FAAH2: variants seen among roughly 807,000 people sequenced by gnomAD.
FAAH2 encodes the protein fatty-acid amide hydrolase 2.
In FAAH2, 60 loss-of-function variants were observed where a neutral mutation model predicts 36.9. The observed-to-expected ratio is 1.63, with a 90% confidence interval of 1.32 to 2.02. The LOEUF (loss-of-function observed/expected upper bound fraction) is 2.02. FAAH2 is among the 30% of genes most tolerant of loss of function. The pLI, the probability that FAAH2 is intolerant of heterozygous loss-of-function variation, is 0.00. For missense variants in FAAH2, 689 were observed against 397.5 expected (o/e 1.73, Z -6.23); for synonymous variants, 214 against 143.8 (o/e 1.49, Z -3.49).
chrX:57,382,958 C>T (rs1379179248), intron 7 of FAAH2, among the ~76,000 whole-genome samples: 6 of 111,360 alleles, frequency 5.4e-5, no homozygotes, highest in Non-Finnish European at 1.1e-4. Flanking sequence ...TCAAGCAACA[C>T]ATCAAAAAGC....
intron 7 of FAAH2, among the ~76,000 whole-genome samples, chrX:57,419,400 G>T (rs2055943333): frequency 9.0e-6 from 1 of 111,520 alleles, no homozygotes; most frequent in African/African-American, 3.3e-5. Context: ...GCTTTTTAAT[G>T]ATTGCCATTC....
At chrX:57,256,606 A>G in the FAAH2 span, among the ~76,000 whole-genome samples, 1 of 111,924 alleles carries the variant, frequency 8.9e-6, no homozygotes, top group Non-Finnish European at 1.9e-5. Flanking sequence ...AAGAAAACCT[A>G]GGCAATACCA....
the FAAH2 span, among the ~76,000 whole-genome samples, chrX:57,216,475 A>T: frequency 3.9e-5 from 3 of 76,460 alleles, no homozygotes; most frequent in African/African-American, 1.3e-4. Context: ...ATGGCTTAGT[A>T]GTATTCTATT....
intron 7 of FAAH2, among the ~76,000 whole-genome samples, chrX:57,428,378 A>C (rs1454423938): frequency 6.1e-5 from 4 of 65,453 alleles, no homozygotes; most frequent in African/African-American, 1.4e-4. Flanking sequence ...TTTTGCACAG[A>C]ATTAGAAAAA....
chrX:57,436,034 T>G (rs1220904532), intron 8 of FAAH2, among the ~76,000 whole-genome samples: 1 of 111,137 alleles, frequency 9.0e-6, no homozygotes, highest in Non-Finnish European at 1.9e-5. Flanking sequence ...AGACCACGCT[T>G]GAATAAAACT....
intron 10 of FAAH2, among the ~76,000 whole-genome samples, chrX:57,450,408 G>T (rs759556831): frequency 9.0e-6 from 1 of 111,201 alleles, no homozygotes; most frequent in Non-Finnish European, 1.9e-5. Flanking sequence ...AGTGATTTAA[G>T]GGTCAGGGTC....
intron 8 of FAAH2, among the ~76,000 whole-genome samples, chrX:57,436,496 A>G (rs1232493149): frequency 9.1e-6 from 1 of 109,707 alleles, no homozygotes; most frequent in East Asian, 2.8e-4. Context: ...TAATCATGAA[A>G]AAAAGAGAGA....
chrX:57,439,526 C>G (rs779318486), intron 8 of FAAH2, among the ~76,000 whole-genome samples: 38 of 111,142 alleles, frequency 3.4e-4, no homozygotes, highest in Admixed American at 9.6e-4. Flanking sequence ...GAGTAGGTTG[C>G]AAATTTTTCT....
chrX:57,147,983 C>A, the FAAH2 span, among the ~76,000 whole-genome samples: 1 of 111,406 alleles, frequency 9.0e-6, no homozygotes. Context: ...TATCATATAG[C>A]CTATTACATA....
the FAAH2 span, among the ~76,000 whole-genome samples, chrX:57,252,116 G>T: frequency 8.9e-6 from 1 of 112,739 alleles, no homozygotes. Context: ...CTTGCTCGCT[G>T]CTAGTGAATC....
chrX:57,273,609 A>C, the FAAH2 span, among the ~76,000 whole-genome samples: 1 of 112,015 alleles, frequency 8.9e-6, no homozygotes, highest in Non-Finnish European at 1.9e-5. Flanking sequence ...AAAGAAACTC[A>C]CTGAAAACCT....
At chrX:57,380,836 G>A (rs1338189435) in intron 6 of FAAH2, 76 bp from the exon 7 acceptor site, 6 of 599,653 alleles carry the variant, frequency 1.0e-5, no homozygotes, top group Non-Finnish European at 2.6e-6. Flanking sequence ...TAGAGCTGAA[G>A]CTCAGATGTC....
rs1189625741 is a variant in FAAH2, at chrX:57,449,414, G to T, written c.1423+696G>T. Among the ~76,000 whole-genome samples, 31 of 111,938 alleles carry T rather than the reference G, an allele frequency of 2.8e-4. No homozygotes were observed. The Admixed American group carries it at 2.9e-3, about 11-fold the overall frequency. Reference sequence around the variant, plus strand: ...TCCTTTGCTCTGCAATTTTCTACTTGTGCATCTGGAGGAAGACATTGAATC... The same window carrying T: ...TCCTTTGCTCTGCAATTTTCTACTTTTGCATCTGGAGGAAGACATTGAATC... On this transcript the variant is annotated intron_variant, in intron 10 of 10. Transcript: ENST00000374900.
chrX:57,242,181 G>T, the FAAH2 span, among the ~76,000 whole-genome samples: 1 of 111,842 alleles, frequency 8.9e-6, no homozygotes, highest in African/African-American at 3.3e-5. Flanking sequence ...CCCAGCAGGG[G>T]TCAGCAGACA....
At chrX:57,362,748 T>C (rs1483980345) in intron 5 of FAAH2, among the ~76,000 whole-genome samples, 1 of 112,355 alleles carries the variant, frequency 8.9e-6, no homozygotes, top group Admixed American at 9.4e-5. Flanking sequence ...ATATGTCTAA[T>C]CAATCTTGAG....
chrX:57,222,151 C>T, the FAAH2 span, among the ~76,000 whole-genome samples: 11 of 111,371 alleles, frequency 9.9e-5, no homozygotes, highest in African/African-American at 2.9e-4. Context: ...CTCCTGCCTC[C>T]GCAAACTAAG....
rs748137891 is a variant in FAAH2, at chrX:57,420,470, C to G, written c.997-11448C>G. On this transcript the variant is annotated intron_variant, in intron 7 of 10. Coordinates refer to ENST00000374900, the MANE Select transcript of FAAH2 (RefSeq NM_174912.4). ...AAGTTGGATTCCTAGGTATTTTATT[C>G]TCTTTGAAGTAATTGTGAATGGGTG... Among the ~76,000 whole-genome samples the G allele has an allele frequency of 1.2e-4, 13 of 111,507 alleles. No homozygotes were observed. In the East Asian group the frequency reaches 2.0e-3, roughly 17 times the overall value.
chrX:57,390,025 T>A (rs2055127963), intron 7 of FAAH2, among the ~76,000 whole-genome samples: 1 of 110,949 alleles, frequency 9.0e-6, no homozygotes, highest in South Asian at 3.8e-4. Flanking sequence ...TGTTTGCCAA[T>A]TTTTCAATTA....
At chrX:57,384,922 C>T (rs1334923113) in intron 7 of FAAH2, among the ~76,000 whole-genome samples, 1 of 111,506 alleles carries the variant, frequency 9.0e-6, no homozygotes, top group Non-Finnish European at 1.9e-5. Flanking sequence ...AAATGTGGCA[C>T]ATATACACCA....
Sources: gnomAD v4.1 joint callset for allele counts (sites outside exome capture counted in the v4.1 genomes callset) on GRCh38, gnomAD v4.1.1 for gene constraint, MANE v1.5 for transcripts, NCBI Gene and HGNC (gene_info 2026-07-23, HGNC 2026-07-21) for gene names.